Variants in B3GALT1 observed in about 807,000 individuals in gnomAD.
B3GALT1 encodes UDP-Gal:betaGlcNAc beta 1,3-galactosyltransferase, polypeptide 1.
B3GALT1 carries 10 observed loss-of-function variants against 23.2 expected under a neutral mutation model. The ratio of observed to expected loss-of-function variants is 0.43; its 90% CI spans 0.27 to 0.73. The LOEUF (loss-of-function observed/expected upper bound fraction) is 0.73, where lower values mean the gene tolerates loss of function less well. B3GALT1 is among the 30% of genes least tolerant of loss of function. The pLI is 0.21. For missense variants in B3GALT1, 299 were observed against 405.4 expected, an observed-to-expected ratio of 0.74 and a Z score of 2.25; for synonymous variants, 156 against 141.5, an observed-to-expected ratio of 1.10 and a Z score of -0.73.
At chr2:167,425,815 A>G (rs1036524329) in intron 1 of B3GALT1, among the ~76,000 whole-genome samples, 10 of 152,194 alleles carry the variant, frequency 6.6e-5, no homozygotes, top group Admixed American at 4.6e-4. Context: ...AGCACAGGAG[A>G]TGCATGTGCG....
chr2:167,379,408 T>C (rs78993848), intron 1 of B3GALT1, among the ~76,000 whole-genome samples: 1,648 of 152,222 alleles, frequency 0.011, 28 homozygotes, highest in African/African-American at 0.037. Flanking sequence ...ATAATATTAT[T>C]ATTATCATTA....
At chr2:167,456,608 A>G (rs1178061418) in intron 1 of B3GALT1, among the ~76,000 whole-genome samples, 2 of 152,250 alleles carry the variant, frequency 1.3e-5, no homozygotes, top group East Asian at 3.8e-4. Flanking sequence ...AGTCCTGGCT[A>G]GAAAGTCAAG....
intron 2 of B3GALT1, among the ~76,000 whole-genome samples, chr2:167,623,875 T>G (rs1685300265): frequency 6.6e-6 from 1 of 152,058 alleles, no homozygotes; most frequent in South Asian, 2.1e-4. Flanking sequence ...ATTTAATATA[T>G]GAACTCAACA....
chr2:167,743,178 G>T (rs1006314956), intron 3 of B3GALT1, among the ~76,000 whole-genome samples: 5 of 151,912 alleles, frequency 3.3e-5, no homozygotes, highest in African/African-American at 1.2e-4. Flanking sequence ...CCTACTAATA[G>T]ATTTTTTCCT....
At chr2:167,488,772 C>G (rs576241171) in intron 1 of B3GALT1, among the ~76,000 whole-genome samples, 1 of 152,126 alleles carries the variant, frequency 6.6e-6, no homozygotes. Flanking sequence ...AGCCACTGTT[C>G]TGATGATCAT....
chr2:167,708,144 A>T (rs750506440), intron 3 of B3GALT1, among the ~76,000 whole-genome samples: 1 of 152,180 alleles, frequency 6.6e-6, no homozygotes, highest in Non-Finnish European at 1.5e-5. Flanking sequence ...CTTAGATACA[A>T]TTTCTCTCCT....
intron 3 of B3GALT1, among the ~76,000 whole-genome samples, chr2:167,723,002 T>C (rs1222758075): frequency 6.6e-6 from 1 of 152,240 alleles, no homozygotes; most frequent in Non-Finnish European, 1.5e-5. Flanking sequence ...TTCTACTCTT[T>C]CCTGAAATAC....
chr2:167,453,013 A>T (rs934834315), intron 1 of B3GALT1, among the ~76,000 whole-genome samples: 1 of 152,216 alleles, frequency 6.6e-6, no homozygotes, highest in African/African-American at 2.4e-5. Flanking sequence ...TCACAGAATT[A>T]CATTGGGAAT....
chr2:167,350,699 T>C (rs1312089744), intron 1 of B3GALT1, among the ~76,000 whole-genome samples: 1 of 152,178 alleles, frequency 6.6e-6, no homozygotes, highest in African/African-American at 2.4e-5. Context: ...TTGGTGTCGG[T>C]CTACTGCAAC....
intron 3 of B3GALT1, among the ~76,000 whole-genome samples, chr2:167,689,744 G>C (rs1408916763): frequency 6.6e-6 from 1 of 152,108 alleles, no homozygotes; most frequent in East Asian, 1.9e-4. Flanking sequence ...ACCCAGACCA[G>C]GATGTCTACA....
At position 167,721,169 on chromosome 2, in the gene B3GALT1, A is replaced by T. The variant is rs12624251; in HGVS notation, c.-352+74203A>T. On this transcript the variant is annotated intron_variant, in intron 3 of 4. Transcript: ENST00000392690. ...CGTCATTGAAAATACACTCCGTTAC[A>T]GACAATTTAGTTTATGTGCTAAAGC... Among the ~76,000 whole-genome samples, 827 of 152,308 alleles carry T rather than the reference A, an allele frequency of 5.4e-3. 60 individuals are homozygous for T. The East Asian group carries it at 0.15, about 27-fold the overall frequency.
chr2:167,679,173 A>G (rs1051002412), intron 3 of B3GALT1, among the ~76,000 whole-genome samples: 3 of 151,446 alleles, frequency 2.0e-5, no homozygotes, highest in East Asian at 3.9e-4. Flanking sequence ...CTGGAGTGCA[A>G]TGGCGCAAAA....
chr2:167,676,731 T>G (rs1217636849), intron 3 of B3GALT1, among the ~76,000 whole-genome samples: 2 of 152,108 alleles, frequency 1.3e-5, no homozygotes, highest in African/African-American at 4.8e-5. Flanking sequence ...GAGACTGGGT[T>G]GCTCCATGTT....
At chr2:167,334,005 C>G (rs1433029878) in intron 1 of B3GALT1, among the ~76,000 whole-genome samples, 1 of 151,588 alleles carries the variant, frequency 6.6e-6, no homozygotes, top group Non-Finnish European at 1.5e-5. Context: ...CAGATAATAC[C>G]TTATAAACTT....
chr2:167,809,471 G>A (rs1574274314), intron 3 of B3GALT1, among the ~76,000 whole-genome samples: 2 of 152,262 alleles, frequency 1.3e-5, no homozygotes, highest in South Asian at 2.1e-4. Context: ...TGGTGTGGAT[G>A]TCCTTTGTGT....
chr2:167,676,516 TACACACACACACACACACACACAC>T (rs34764364), intron 3 of B3GALT1, among the ~76,000 whole-genome samples: 1 of 145,080 alleles, frequency 6.9e-6, no homozygotes, highest in African/African-American at 2.6e-5. Context: ...TGTATGTTTA[TACACACACACACACACACACACAC>T]ACACACACAC....
At chr2:167,369,444 T>A (rs1368536264) in intron 1 of B3GALT1, among the ~76,000 whole-genome samples, 4 of 152,106 alleles carry the variant, frequency 2.6e-5, no homozygotes, top group Non-Finnish European at 1.5e-5. Flanking sequence ...CAGGAAAGGG[T>A]TATAGTATAG....
intron 2 of B3GALT1, among the ~76,000 whole-genome samples, chr2:167,534,498 AT>A: frequency 6.6e-6 from 1 of 152,218 alleles, no homozygotes; most frequent in Non-Finnish European, 1.5e-5. Context: ...AGTTGGAAAT[AT>A]TTCTGTGGGT....
intron 4 of B3GALT1, among the ~76,000 whole-genome samples, chr2:167,823,775 G>T (rs1224722723): frequency 6.6e-6 from 1 of 152,176 alleles, no homozygotes; most frequent in African/African-American, 2.4e-5. Flanking sequence ...TGCTGAATAT[G>T]CTGTCAGCAT....
Sources: allele counts gnomAD v4.1 joint callset (sites outside exome capture counted in the v4.1 genomes callset), GRCh38; gene constraint gnomAD v4.1.1; transcripts MANE v1.5; gene names NCBI Gene and HGNC (gene_info 2026-07-23, HGNC 2026-07-21).